The following DCC variants were observed in gnomAD, a reference collection of about 807,000 sequenced individuals.
DCC encodes netrin receptor DCC.
Under a neutral mutation model 172.5 loss-of-function variants are expected in DCC, and 58 were observed. The ratio of observed to expected loss-of-function variants is 0.34; its 90% CI spans 0.27 to 0.42. DCC has a LOEUF of 0.42. Ranked by LOEUF, DCC falls within the 10% of genes least tolerant of loss-of-function variation. The pLI is 1.00. For missense variants in DCC, 1,740 were observed against 1,791.0 expected (o/e 0.97, Z 0.51); for synonymous variants, 709 against 644.5 (o/e 1.10, Z -1.52).
At chr18:53,193,426 T>C (rs73960219) in intron 9 of DCC, among the ~76,000 whole-genome samples, 3,084 of 152,314 alleles carry the variant, frequency 0.02, 118 homozygotes, top group African/African-American at 0.071. Flanking sequence ...TTGCCAGATA[T>C]AATTCATATA....
chr18:52,482,495 G>T (rs562667377), intron 1 of DCC, among the ~76,000 whole-genome samples: 1 of 152,142 alleles, frequency 6.6e-6, no homozygotes, highest in African/African-American at 2.4e-5. Context: ...AGATCAAAGT[G>T]CTGGCAGATG....
At chr18:52,360,354 C>T (rs1984565431) in intron 1 of DCC, among the ~76,000 whole-genome samples, 1 of 152,196 alleles carries the variant, frequency 6.6e-6, no homozygotes, top group Admixed American at 6.5e-5. Context: ...CCAAATACAG[C>T]TTTAGAATGC....
At chr18:53,002,322 A>G (rs1287504849) in intron 5 of DCC, among the ~76,000 whole-genome samples, 1 of 152,160 alleles carries the variant, frequency 6.6e-6, no homozygotes, top group Non-Finnish European at 1.5e-5. Context: ...TCAAAATAAA[A>G]TACTTTTAAT....
At chr18:53,404,711 A>G (rs1909547755) in intron 19 of DCC, among the ~76,000 whole-genome samples, 1 of 151,740 alleles carries the variant, frequency 6.6e-6, no homozygotes, top group African/African-American at 2.4e-5. Flanking sequence ...AGCCTGGGCG[A>G]CAGAGTAAGA....
chr18:52,428,177 C>G (rs930377407), intron 1 of DCC, among the ~76,000 whole-genome samples: 5 of 152,100 alleles, frequency 3.3e-5, no homozygotes, highest in Non-Finnish European at 5.9e-5. Flanking sequence ...TGCCTCTCTA[C>G]ATGCATATTG....
chr18:52,831,614 G>T (rs1461798661), intron 2 of DCC, among the ~76,000 whole-genome samples: 1 of 151,778 alleles, frequency 6.6e-6, no homozygotes, highest in African/African-American at 2.4e-5. Context: ...GAACTATTAT[G>T]ACAAGATTTT....
At chr18:53,467,398 G>T (rs543045399) in intron 24 of DCC, among the ~76,000 whole-genome samples, 3 of 151,800 alleles carry the variant, frequency 2.0e-5, no homozygotes, top group Non-Finnish European at 4.4e-5. Context: ...TCTTATTTTT[G>T]AAGAATGCAG....
At chr18:53,044,521 T>A (rs2042211044) in intron 5 of DCC, among the ~76,000 whole-genome samples, 1 of 151,770 alleles carries the variant, frequency 6.6e-6, no homozygotes, top group Non-Finnish European at 1.5e-5. Flanking sequence ...ATGGACTAGA[T>A]ATCTAAGACT....
intron 5 of DCC, among the ~76,000 whole-genome samples, chr18:52,978,318 GA>G (rs945797646): frequency 1.3e-5 from 2 of 151,510 alleles, no homozygotes; most frequent in Admixed American, 1.3e-4. Context: ...GGAAAGTAAA[GA>G]AAAAAAATAA....
intron 1 of DCC, among the ~76,000 whole-genome samples, chr18:52,431,924 A>C (rs1415191466): frequency 6.6e-6 from 1 of 152,126 alleles, no homozygotes; most frequent in African/African-American, 2.4e-5. Context: ...TCAACTAGAG[A>C]AATCATCCCT....
intron 2 of DCC, among the ~76,000 whole-genome samples, chr18:52,789,886 G>A (rs2037727452): frequency 6.6e-6 from 1 of 152,086 alleles, no homozygotes. Context: ...CCTCTTGTCT[G>A]GGGACCAGAC....
intron 1 of DCC, among the ~76,000 whole-genome samples, chr18:52,726,093 T>C (rs2036547483): frequency 6.6e-6 from 1 of 152,222 alleles, no homozygotes; most frequent in Non-Finnish European, 1.5e-5. Flanking sequence ...ATATTGACCA[T>C]GATGAATGAC....
At position 53,155,089 on chromosome 18, in the gene DCC, T is replaced by C. The variant is rs538387278; in HGVS notation, c.1262-2267T>C. On this transcript the variant is annotated intron_variant, in intron 7 of 28. Coordinates refer to ENST00000442544, the MANE Select transcript of DCC (RefSeq NM_005215.4). ...AGAATCTATGGAGTCAGAAATAACT[T>C]TGAATACTTTTTTTTTTTTTGCCAT... 7.9e-5 allele frequency among the ~76,000 whole-genome samples: 12 copies of C among 151,976 alleles called. No homozygotes were observed. The South Asian group carries it at 2.5e-3, about 32-fold the overall frequency.
intron 1 of DCC, among the ~76,000 whole-genome samples, chr18:52,430,781 C>T (rs1039260059): frequency 6.6e-6 from 1 of 151,998 alleles, no homozygotes; most frequent in Non-Finnish European, 1.5e-5. Flanking sequence ...TGAAATAATG[C>T]ACATAGTGAA....
chr18:52,648,924 C>A (rs767428737), intron 1 of DCC, among the ~76,000 whole-genome samples: 2 of 152,148 alleles, frequency 1.3e-5, no homozygotes, highest in Non-Finnish European at 2.9e-5. Flanking sequence ...GCTCTGGAAG[C>A]ATTATTTTCT....
intron 12 of DCC, among the ~76,000 whole-genome samples, chr18:53,255,854 CCA>C (rs2056504259): frequency 6.6e-6 from 1 of 152,146 alleles, no homozygotes; most frequent in Admixed American, 6.6e-5. Context: ...TCCTATTTCT[CCA>C]CATCCTCTCC....
At chr18:53,119,294 T>C (rs4343352) in intron 7 of DCC, among the ~76,000 whole-genome samples, 56,738 of 151,530 alleles carry the variant, frequency 0.37, 11,736 homozygotes, top group Non-Finnish European at 0.46. Context: ...TCATCTTTGT[T>C]CTCTTTTCTG....
chr18:52,838,414 C>G (rs182277794), intron 2 of DCC, among the ~76,000 whole-genome samples: 33 of 152,050 alleles, frequency 2.2e-4, no homozygotes, highest in African/African-American at 7.5e-4. Flanking sequence ...ATAATACTTG[C>G]ATGTATTAGT....
At chr18:53,143,266 T>G (rs1037345671) in intron 7 of DCC, among the ~76,000 whole-genome samples, 20 of 152,228 alleles carry the variant, frequency 1.3e-4, no homozygotes, top group African/African-American at 4.6e-4. Context: ...CTAACATGAT[T>G]GTACCACATT....
Sources: gnomAD v4.1 joint callset for allele counts (sites outside exome capture counted in the v4.1 genomes callset) on GRCh38, gnomAD v4.1.1 for gene constraint, MANE v1.5 for transcripts, NCBI Gene and HGNC (gene_info 2026-07-23, HGNC 2026-07-21) for gene names.